Variants in IK observed in about 807,000 individuals in gnomAD.
IK encodes IK cytokine, also known as protein Red.
A neutral mutation model predicts 90.9 loss-of-function variants in IK; 47 were observed. The observed-to-expected ratio is 0.52, with a 90% CI of 0.41 to 0.66. IK has a LOEUF of 0.66. IK is among the 30% of genes least tolerant of loss of function. IK has a pLI of 0.00. For missense variants in IK, 385 were observed against 709.3 expected, an observed-to-expected ratio of 0.54 and a Z score of 5.19; for synonymous variants, 201 against 227.5, an observed-to-expected ratio of 0.88 and a Z score of 1.05.
chr5:140,653,238 C>A, intron 5 of IK, 94 bp downstream of exon 5: 3 of 1,139,740 alleles, frequency 2.6e-6, no homozygotes, highest in Non-Finnish European at 3.7e-6. Flanking sequence ...TGCCCTGGAG[C>A]CTACAATAAG....
chr5:140,659,547 G>T (rs554917306), intron 13 of IK, among the ~76,000 whole-genome samples: 1 of 152,304 alleles, frequency 6.6e-6, no homozygotes, highest in South Asian at 2.1e-4. Flanking sequence ...TGGCCCTGGG[G>T]TTCTGAGGAG....
chr5:140,661,067 T>C lies in IK; in HGVS notation c.1413+252T>C, dbSNP rs1184678617. ...GCAAAGTGCCAGGCTTTGATTCCCA[T>C]GGTAGGCAGTAAGCAAGCATCAATG... On this transcript the variant is annotated intron_variant, in intron 16 of 19. Transcript: ENST00000417647. This position sits in a 1 kb window ranked among gnomAD's most constrained non-coding sequence, Gnocchi z 4.2. 1 of 427,406 alleles carries C rather than the reference T, an allele frequency of 2.3e-6. No individual in the cohort carries two copies. The highest frequency in any genetic ancestry group is 4.1e-6 in the Non-Finnish European group (1 of 242,964). 26.5% of individuals were successfully genotyped at this position (427,406 alleles called of 1,614,324 possible).
chr5:140,658,579 C>T (rs1307338588), intron 10 of IK, among the ~76,000 whole-genome samples, 158 bp from the exon 11 acceptor site: 4 of 152,208 alleles, frequency 2.6e-5, no homozygotes, highest in Admixed American at 6.5e-5. Flanking sequence ...CTTGGCCTCC[C>T]GAAGTGCTGG....
rs1561969500 is a variant in IK, at chr5:140,648,453, G to A, written c.17-18G>A. 1 of 1,613,326 alleles carries A rather than the reference G, an allele frequency of 6.2e-7. No homozygotes were observed. The highest frequency in any genetic ancestry group is 1.3e-5 in the African/African-American group (1 of 75,032). ...CACGTAAGAGACTGATTAAATTAAC[G>A]TCAATTTTTTTTGTCAGGTGAGCCG... On this transcript the variant is annotated intron_variant, in intron 1 of 19. Coordinates refer to ENST00000417647, the MANE Select transcript of IK (RefSeq NM_006083.4).
At chr5:140,653,708 G>A (rs189196411) in intron 5 of IK, among the ~76,000 whole-genome samples, 2,741 of 137,832 alleles carry the variant, frequency 0.02, 86 homozygotes, top group African/African-American at 0.07. Flanking sequence ...ATGTTCAGGC[G>A]ATTCTCTTGC....
chr5:140,648,741 GTT>G (rs56094200), intron 2 of IK: 1,443 of 465,016 alleles, frequency 3.1e-3, no homozygotes, highest in Middle Eastern at 4.6e-3. Context: ...AAGGTGTTAA[GTT>G]TTTTTTTTTT....
At chr5:140,659,712 A>G in intron 13 of IK, 44 bp from the exon 14 acceptor site, 1 of 1,254,596 alleles carries the variant, frequency 8.0e-7, no homozygotes, top group Non-Finnish European at 1.1e-6. Flanking sequence ...GGAGGTTGTG[A>G]GAGCCTCAGT....
At chr5:140,649,494 C>T (rs1180657631) in intron 2 of IK, among the ~76,000 whole-genome samples, 2 of 151,928 alleles carry the variant, frequency 1.3e-5, no homozygotes, top group Admixed American at 6.6e-5. Flanking sequence ...GCATTACAGG[C>T]GTGAGCCACC....
chr5:140,652,733 A>T (rs912310308), intron 4 of IK, among the ~76,000 whole-genome samples: 7 of 152,214 alleles, frequency 4.6e-5, no homozygotes. Flanking sequence ...GGTATTAAAA[A>T]GTTCTGAAGT....
At chr5:140,648,399 T>G in intron 1 of IK, 72 bp from the exon 2 acceptor site, 1 of 1,355,576 alleles carries the variant, frequency 7.4e-7, no homozygotes, top group Non-Finnish European at 1.1e-6. Context: ...TGTTCACTAC[T>G]ATATCTCAAA....
intron 2 of IK, chr5:140,648,973 G>A: frequency 5.0e-6 from 1 of 201,348 alleles, no homozygotes; most frequent in Non-Finnish European, 1.0e-5. Flanking sequence ...GAGTAGCTGG[G>A]ATTACAGGCA....
At chr5:140,656,062 C>T (rs779445408) in intron 9 of IK, 70 bp downstream of exon 9, 98 of 1,441,208 alleles carry the variant, frequency 6.8e-5, no homozygotes, top group Middle Eastern at 3.6e-4. Context: ...GCCTCTGCCC[C>T]GTGTCCCTTG....
chr5:140,655,624 T>C (rs1757695980), intron 8 of IK, among the ~76,000 whole-genome samples: 1 of 152,238 alleles, frequency 6.6e-6, no homozygotes, highest in Non-Finnish European at 1.5e-5. Flanking sequence ...AGTAGATACA[T>C]GACTTTAGGT....
At chr5:140,653,184 C>T (rs750418520) in intron 5 of IK, 40 bp downstream of exon 5, 19 of 1,565,410 alleles carry the variant, frequency 1.2e-5, no homozygotes, top group East Asian at 4.5e-5. Flanking sequence ...CCTCAGCATC[C>T]GAGAGTCATG....
chr5:140,659,945 T>C (rs1454920982), intron 14 of IK, 111 bp downstream of exon 14: 3 of 961,944 alleles, frequency 3.1e-6, no homozygotes, highest in African/African-American at 1.6e-5. Context: ...CCTTTTACGC[T>C]GAATTTTGAC....
intron 15 of IK, 45 bp downstream of exon 15, chr5:140,660,240 A>C: frequency 2.2e-6 from 3 of 1,355,310 alleles, no homozygotes; most frequent in Non-Finnish European, 3.1e-6. Flanking sequence ...ATGATTGGGA[A>C]ACAAGTTGGG....
rs1241068205 is a variant in IK, at chr5:140,651,709, T to G, written c.84-5T>G. The G allele has an allele frequency of 6.4e-7, 1 of 1,573,312 alleles. No homozygotes were observed. On this transcript the variant is annotated splice_region_variant and splice_polypyrimidine_tract_variant and intron_variant, in intron 2 of 19. Coordinates refer to ENST00000417647, the MANE Select transcript of IK (RefSeq NM_006083.4). Reference sequence around the variant, plus strand: ...AATATTTAAAATCTTTGCCTTTTCTTCTAGATCAAAACTCACCAATGAAGA... The same window carrying G: ...AATATTTAAAATCTTTGCCTTTTCTGCTAGATCAAAACTCACCAATGAAGA...
At chr5:140,659,282 T>A (rs746614733) in intron 12 of IK, 33 bp from the exon 13 acceptor site, 1 of 1,613,750 alleles carries the variant, frequency 6.2e-7, no homozygotes, top group Non-Finnish European at 8.5e-7. Context: ...TCTCTCATGG[T>A]AACACTAACT....
intron 2 of IK, chr5:140,648,809 A>G: frequency 2.3e-6 from 1 of 426,110 alleles, no homozygotes; most frequent in African/African-American, 2.0e-5. Flanking sequence ...CCAATAGCAA[A>G]TTAAAACATA....
Sources: gnomAD v4.1 joint callset for allele counts (sites outside exome capture counted in the v4.1 genomes callset) on GRCh38, gnomAD v4.1.1 for gene constraint, Gnocchi (gnomAD v3.1) non-coding constraint, MANE v1.5 for transcripts, NCBI Gene and HGNC (gene_info 2026-07-23, HGNC 2026-07-21) for gene names.